TMEM65: variants seen among roughly 807,000 people sequenced by gnomAD.
The protein encoded by TMEM65 is transmembrane protein 65.
Under a neutral mutation model 25.4 loss-of-function variants are expected in TMEM65, and 22 were observed. The ratio of observed to expected loss-of-function variants is 0.86; its 90% confidence interval spans 0.62 to 1.23. The LOEUF (loss-of-function observed/expected upper bound fraction) is 1.23, where lower values mean the gene tolerates loss of function less well. TMEM65 is among the 50% of genes most tolerant of loss of function. The pLI, the probability that TMEM65 is intolerant of heterozygous loss-of-function variation, is 0.00. For synonymous variants in TMEM65, 132 were observed against 126.2 expected, an observed-to-expected ratio of 1.05 and a Z score of -0.31; for missense variants, 262 against 308.2, an observed-to-expected ratio of 0.85 and a Z score of 1.12.
chr8:124,340,369 TTTG>T, intron 1 of TMEM65, among the ~76,000 whole-genome samples: 1 of 152,216 alleles, frequency 6.6e-6, no homozygotes, highest in East Asian at 1.9e-4. Context: ...ATGCTATCTA[TTTG>T]ACTTAAAGAA....
At chr8:124,360,923 T>C (rs531786939) in intron 1 of TMEM65, among the ~76,000 whole-genome samples, 350 of 152,376 alleles carry the variant, frequency 2.3e-3, no homozygotes, top group Middle Eastern at 0.01. Flanking sequence ...TTTAAATTGT[T>C]AGTAAAATTA....
At chr8:124,354,445 G>A (rs188991247) in intron 1 of TMEM65, among the ~76,000 whole-genome samples, 2 of 152,240 alleles carry the variant, frequency 1.3e-5, no homozygotes, top group African/African-American at 4.8e-5. Context: ...TGGACAATGT[G>A]GTACATAATC....
intron 1 of TMEM65, among the ~76,000 whole-genome samples, chr8:124,359,844 C>T (rs1189479658): frequency 6.6e-6 from 1 of 152,004 alleles, no homozygotes; most frequent in African/African-American, 2.4e-5. Context: ...GTAATTATAC[C>T]ACACTAAAGG....
intron 1 of TMEM65, among the ~76,000 whole-genome samples, chr8:124,334,493 C>T (rs907404287): frequency 1.3e-5 from 2 of 151,814 alleles, no homozygotes; most frequent in Non-Finnish European, 2.9e-5. Flanking sequence ...GGGCTGGGCA[C>T]GGTGGCTCAC....
intron 1 of TMEM65, 116 bp from the exon 2 acceptor site, chr8:124,330,908 C>T (rs1008529582): frequency 1.0e-6 from 1 of 978,330 alleles, no homozygotes; most frequent in African/African-American, 1.7e-5. Flanking sequence ...AGAGTTTATT[C>T]ATAAATTATC....
At chr8:124,357,409 G>A (rs900850536) in intron 1 of TMEM65, among the ~76,000 whole-genome samples, 10 of 152,096 alleles carry the variant, frequency 6.6e-5, no homozygotes, top group African/African-American at 2.2e-4. Context: ...TTCGAGTTAG[G>A]AATTCATTTT....
At chr8:124,341,313 G>A (rs1036821903) in intron 1 of TMEM65, among the ~76,000 whole-genome samples, 1 of 151,968 alleles carries the variant, frequency 6.6e-6, no homozygotes, top group Non-Finnish European at 1.5e-5. Context: ...GGTTTGCAAA[G>A]GACGAATCTT....
chr8:124,359,235 T>A (rs550537370), intron 1 of TMEM65, among the ~76,000 whole-genome samples: 6 of 152,148 alleles, frequency 3.9e-5, no homozygotes, highest in Non-Finnish European at 7.3e-5. Flanking sequence ...ATAGATGAGA[T>A]CCTTAATTTC....
chr8:124,365,974 A>C (rs1254493789), intron 1 of TMEM65, among the ~76,000 whole-genome samples: 1 of 152,182 alleles, frequency 6.6e-6, no homozygotes, highest in Non-Finnish European at 1.5e-5. Flanking sequence ...TAATCTCAGC[A>C]CTTTGGGAGG....
chr8:124,343,929 A>T (rs1814613816), intron 1 of TMEM65, among the ~76,000 whole-genome samples: 1 of 152,208 alleles, frequency 6.6e-6, no homozygotes, highest in Non-Finnish European at 1.5e-5. Context: ...TGTATAAGAA[A>T]ACCAGAGGAA....
At chr8:124,340,895 T>C (rs1814576726) in intron 1 of TMEM65, among the ~76,000 whole-genome samples, 2 of 152,214 alleles carry the variant, frequency 1.3e-5, no homozygotes, top group Non-Finnish European at 2.9e-5. Context: ...TAAAGATACT[T>C]GGGGCCATTA....
chr8:124,369,749 C>T (rs745346512), intron 1 of TMEM65, among the ~76,000 whole-genome samples: 2 of 152,078 alleles, frequency 1.3e-5, no homozygotes, highest in African/African-American at 2.4e-5. Flanking sequence ...AGGTAATTTC[C>T]TAAGTGATGA....
At chr8:124,317,052 T>C (rs1475795150) in intron 6 of TMEM65, among the ~76,000 whole-genome samples, 2 of 152,274 alleles carry the variant, frequency 1.3e-5, no homozygotes, top group South Asian at 2.1e-4. Flanking sequence ...TTTTAAAGGG[T>C]AGTAATTATT....
At chr8:124,320,971 T>C (rs1272121480) in intron 5 of TMEM65, among the ~76,000 whole-genome samples, 3 of 152,172 alleles carry the variant, frequency 2.0e-5, no homozygotes, top group Non-Finnish European at 4.4e-5. Flanking sequence ...ATGCAATATA[T>C]AGCTAAATGG....
In TMEM65 at chr8:124,331,947, AT is replaced by A. The variant is rs745691997; in HGVS notation, c.305-1156del. Among the ~76,000 whole-genome samples, 28 of 152,148 alleles carry A rather than the reference AT, an allele frequency of 1.8e-4. 1 individual carries two copies. The highest frequency in any genetic ancestry group is 1.5e-4 in the Non-Finnish European group (10 of 67,986). ...TAGTGACTGGTATTTTCCAAGTTCC[AT>A]AATGGCTTTACAGTAAGAAATACAC... On this transcript the variant is annotated intron_variant, in intron 1 of 6. Transcript: ENST00000297632.
chr8:124,322,084 T>C (rs371166660), intron 5 of TMEM65, 21 bp downstream of exon 5: 3 of 1,592,846 alleles, frequency 1.9e-6, no homozygotes, highest in Non-Finnish European at 2.6e-6. Context: ...AATATACAAA[T>C]GAATAAGTGA....
Position 124,372,512 on chromosome 8 carries a change from C to A in TMEM65, c.-355G>T. 6.4e-6 allele frequency: 1 copy of A among 155,998 alleles called. No homozygotes were observed. The highest frequency in any genetic ancestry group is 1.7e-4 in the South Asian group (1 of 5,832). The allele number at this position is 155,998 out of a possible 1,614,324, so 9.7% of individuals were successfully genotyped here. A position where few individuals can be genotyped will look rare whatever the true frequency, so the allele number is the denominator to read the frequency against. On this transcript the variant is annotated 5_prime_UTR_variant, in exon 1 of 7. Transcript: ENST00000297632. ...GGGGCGGGCTAGTGTGTGTCTCTGT[C>A]AGTCTGATCTTCCAGAGGATGAGTC...
chr8:124,335,581 C>G (rs568682188), intron 1 of TMEM65, among the ~76,000 whole-genome samples: 1 of 151,862 alleles, frequency 6.6e-6, no homozygotes, highest in African/African-American at 2.4e-5. Context: ...TAAGGATGAA[C>G]GGGGCAGTAA....
At chr8:124,331,811 A>C (rs1563592479) in intron 1 of TMEM65, among the ~76,000 whole-genome samples, 1 of 152,018 alleles carries the variant, frequency 6.6e-6, no homozygotes, top group Non-Finnish European at 1.5e-5. Context: ...GTACATCTTC[A>C]AAAATATTTA....
Sources: allele counts gnomAD v4.1 joint callset (sites outside exome capture counted in the v4.1 genomes callset), GRCh38; gene constraint gnomAD v4.1.1; transcripts MANE v1.5; gene names NCBI Gene and HGNC (gene_info 2026-07-23, HGNC 2026-07-21).